The following DST variants were observed in gnomAD, a reference collection of about 807,000 sequenced individuals.
DST encodes the protein dystonin, also known as bullous pemphigoid antigen.
Under a neutral mutation model 875.2 loss-of-function variants are expected in DST, and 253 were observed. The observed-to-expected ratio is 0.29, with a 90% confidence interval of 0.26 to 0.32. The LOEUF is 0.32. Ranked by LOEUF, DST falls within the 10% of genes least tolerant of loss-of-function variation. The probability of loss-of-function intolerance (pLI) is 1.00; values close to 1 mark genes in which losing one functional copy is unlikely to be tolerated. For missense variants in DST, 8,287 were observed against 9,111.6 expected (o/e 0.91, Z 3.68); for synonymous variants, 3,124 against 3,197.1 (o/e 0.98, Z 0.77).
In DST at chr6:56,609,035, T is replaced by A; in HGVS notation, c.5593A>T (p.Thr1865Ser). Residue 1865 changes from threonine (T) to serine (S), a missense_variant, in exon 40 of 104, where the codon ACA becomes TCA. Thr to Ser is a moderately conservative substitution (Grantham distance 58, BLOSUM62 1). Coordinates refer to ENST00000680361, the MANE Select transcript of DST (RefSeq NM_001374736.1). ...VLDALAQSMI[T>S]ESMAIKVLEI... ...AGAACTTTGATGGCCATGGATTCTGTTATCATGCTTTGAGCTAGAGCATCC... is the reference window on the plus strand; with the variant it reads ...AGAACTTTGATGGCCATGGATTCTGATATCATGCTTTGAGCTAGAGCATCC... 1 of 1,613,836 alleles carries A rather than the reference T, an allele frequency of 6.2e-7. No homozygotes were observed. The highest frequency in any genetic ancestry group is 8.5e-7 in the Non-Finnish European group (1 of 1,179,796).
intron 73 of DST, among the ~76,000 whole-genome samples, chr6:56,510,186 T>C (rs1366658876): frequency 6.6e-6 from 1 of 152,206 alleles, no homozygotes; most frequent in African/African-American, 2.4e-5. Context: ...CAGCAATGTC[T>C]CTTTACCTGC....
At chr6:56,826,010 A>G (rs991125484) in intron 4 of DST, among the ~76,000 whole-genome samples, 1 of 152,234 alleles carries the variant, frequency 6.6e-6, no homozygotes, top group Non-Finnish European at 1.5e-5. Flanking sequence ...TGAAAAAAGT[A>G]AAGTTAGATA....
At chr6:56,744,865 ACT>A (rs2099568070) in intron 4 of DST, among the ~76,000 whole-genome samples, 1 of 152,072 alleles carries the variant, frequency 6.6e-6, no homozygotes, top group African/African-American at 2.4e-5. Context: ...AAAAGTCCCC[ACT>A]CTCATTTTAA....
At chr6:56,768,499 T>C (rs1025489122) in intron 4 of DST, among the ~76,000 whole-genome samples, 6 of 152,106 alleles carry the variant, frequency 3.9e-5, no homozygotes, top group African/African-American at 9.7e-5. Context: ...ATGCAAAAAA[T>C]ATACAAATTT....
chr6:56,862,833 C>G (rs558371703), intron 3 of DST, among the ~76,000 whole-genome samples: 1 of 152,164 alleles, frequency 6.6e-6, no homozygotes, highest in South Asian at 2.1e-4. Context: ...AGAAGTGAAA[C>G]TAGCTTACTA....
intron 4 of DST, among the ~76,000 whole-genome samples, chr6:56,823,482 C>T (rs1371392209): frequency 6.6e-6 from 1 of 152,116 alleles, no homozygotes; most frequent in East Asian, 1.9e-4. Flanking sequence ...GCAATCTCAG[C>T]TCACTGCAAT....
intron 55 of DST, 83 bp from the exon 56 acceptor site, chr6:56,562,283 A>C: frequency 1.5e-6 from 1 of 687,242 alleles, no homozygotes; most frequent in Non-Finnish European, 2.2e-6. Flanking sequence ...ATCAAACCCC[A>C]TCAACAGTAA....
intron 87 of DST, among the ~76,000 whole-genome samples, chr6:56,485,689 T>C (rs2095536378): frequency 6.6e-6 from 1 of 152,214 alleles, no homozygotes; most frequent in Admixed American, 6.5e-5. Flanking sequence ...CCAGGAAAAT[T>C]CCCACCTTTG....
intron 4 of DST, among the ~76,000 whole-genome samples, chr6:56,834,389 G>C (rs2099790994): frequency 6.6e-6 from 1 of 152,134 alleles, no homozygotes; most frequent in Non-Finnish European, 1.5e-5. Context: ...ACAAGGTCAG[G>C]AGTTTGAAAC....
At chr6:56,682,692 C>T (rs1482339543) in intron 9 of DST, among the ~76,000 whole-genome samples, 3 of 152,146 alleles carry the variant, frequency 2.0e-5, no homozygotes, top group African/African-American at 7.2e-5. Context: ...CACATAGTTC[C>T]AACAGTGCTG....
chr6:56,487,044 AT>A, intron 87 of DST, 59 bp downstream of exon 87: 1 of 1,543,578 alleles, frequency 6.5e-7, no homozygotes, highest in Non-Finnish European at 8.9e-7. Flanking sequence ...GCAAAGCACC[AT>A]TACTGTGTAT....
chr6:56,482,459 C>CA (rs780944907), intron 89 of DST: 16 of 525,164 alleles, frequency 3.0e-5, no homozygotes, highest in Non-Finnish European at 5.1e-5. Context: ...AGACATTACT[C>CA]ACGCAGCACT....
At chr6:56,827,185 TC>T (rs1420892193) in intron 4 of DST, among the ~76,000 whole-genome samples, 1 of 152,162 alleles carries the variant, frequency 6.6e-6, no homozygotes, top group African/African-American at 2.4e-5. Context: ...GGTTAGGTCA[TC>T]CAGGCTAATG....
At chr6:56,700,028 G>C (rs77091296) in intron 8 of DST, among the ~76,000 whole-genome samples, 1 of 152,200 alleles carries the variant, frequency 6.6e-6, no homozygotes, top group Admixed American at 6.5e-5. Flanking sequence ...GGGCTGCATG[G>C]CAGCAGGTTA....
At chr6:56,672,403 T>G (rs2099106301) in intron 9 of DST, among the ~76,000 whole-genome samples, 1 of 152,148 alleles carries the variant, frequency 6.6e-6, no homozygotes, top group Non-Finnish European at 1.5e-5. Flanking sequence ...TTTAATAATC[T>G]TTGCCAGGAA....
rs544907440 is a variant in DST, at chr6:56,684,644, C to T, written c.1048-13837G>A. Among the ~76,000 whole-genome samples, 26 of 152,266 alleles carry T rather than the reference C, an allele frequency of 1.7e-4. No homozygotes were observed. The South Asian group carries it at 3.7e-3, about 22-fold the overall frequency. On this transcript the variant is annotated intron_variant, in intron 9 of 103. Coordinates refer to ENST00000680361, the MANE Select transcript of DST (RefSeq NM_001374736.1). The stretch of plus-strand genomic sequence containing the variant: ...GAATTTACAAGAGAATGGCATTTCT[C>T]CTTCATGTTTAGAAAAGAAATCTAT...
chr6:56,595,468 G>A (rs905792839), intron 47 of DST, among the ~76,000 whole-genome samples: 2 of 152,108 alleles, frequency 1.3e-5, no homozygotes, highest in African/African-American at 4.8e-5. Context: ...ACTAACTAGT[G>A]TGCAAGGGGG....
chr6:56,669,375 C>T (rs1174365026), intron 10 of DST, among the ~76,000 whole-genome samples: 1 of 150,544 alleles, frequency 6.6e-6, no homozygotes, highest in African/African-American at 2.4e-5. Flanking sequence ...GTGAGGGGAT[C>T]ACCTGAGGTC....
In DST at chr6:56,608,729, T is replaced by C. The variant is rs749520856; in HGVS notation, c.5899A>G (p.Ile1967Val). 1.2e-6 allele frequency: 2 copies of C among 1,611,086 alleles called. No homozygotes were observed. Among genetic ancestry groups the C allele is most frequent in the East Asian group, 2.2e-5 (1 of 44,766 alleles). The change falls in exon 40 of 104, where the codon ATA becomes GTA. Residue 1967 changes from isoleucine to valine, a missense_variant. This residue lies in a region of DST where 3,138 missense variants were observed against 3,116.6 expected (regional missense o/e 1.01). Transcript: ENST00000680361. ...GRITLKCGRNISILRAAHEGL... is the reference protein window; with the variant it reads ...GRITLKCGRNVSILRAAHEGL... ...TCATGAGCTGCTCTTAAAATGCTTA[T>C]GTTTCTTCCACATTTTAATGTTATT... is the stretch of plus-strand genomic sequence containing the variant.
Sources: gnomAD v4.1 joint callset for allele counts (sites outside exome capture counted in the v4.1 genomes callset) on GRCh38, gnomAD v4.1.1 for gene constraint, gnomAD v4.1.1 regional missense constraint, MANE v1.5 for transcripts, NCBI Gene and HGNC (gene_info 2026-07-23, HGNC 2026-07-21) for gene names.